Variants in IL9R observed in about 807,000 individuals in gnomAD.
IL9R encodes the protein interleukin 9 receptor.
A neutral mutation model predicts 56.3 loss-of-function variants in IL9R; 54 were observed. The ratio of observed to expected loss-of-function variants is 0.96; its 90% CI spans 0.77 to 1.20. The LOEUF (loss-of-function observed/expected upper bound fraction) is 1.20. Ranked by LOEUF, IL9R falls within the 50% of genes most tolerant of loss-of-function variation. IL9R has a pLI of 0.00. For missense variants in IL9R, 545 were observed against 629.8 expected (o/e 0.87, Z 1.44); for synonymous variants, 212 against 250.2 (o/e 0.85, Z 1.44).
intron 8 of IL9R, among the ~76,000 whole-genome samples, chrX:156,008,617 T>A (rs1214588873): frequency 1.3e-5 from 2 of 152,102 alleles, no homozygotes; most frequent in African/African-American, 2.4e-5. Context: ...CCTAGAGAAC[T>A]AGGACACCTG....
At chrX:156,007,487 C>T (rs1264781799) in intron 7 of IL9R, 36 bp from the exon 8 acceptor site, 17 of 917,268 alleles carry the variant, frequency 1.9e-5, no homozygotes, top group Middle Eastern at 6.7e-4. Context: ...CCACCTGGGT[C>T]GCCATAGGCC....
intron 1 of IL9R, among the ~76,000 whole-genome samples, chrX:156,000,883 A>G (rs150161589): frequency 0.021 from 3,130 of 152,168 alleles, 135 homozygotes; most frequent in East Asian, 0.2. Flanking sequence ...ATGGGCCAAG[A>G]AGAGAGGTGT....
intron 4 of IL9R, 152 bp downstream of exon 4, chrX:156,004,007 C>G: frequency 1.2e-6 from 1 of 842,590 alleles, no homozygotes; most frequent in Non-Finnish European, 1.8e-6. Flanking sequence ...GCAGGCTTGG[C>G]CCTTGGGAGG....
chrX:156,006,281 T>G, intron 7 of IL9R, 93 bp downstream of exon 7: 1 of 688,556 alleles, frequency 1.5e-6, no homozygotes, highest in South Asian at 1.7e-5. Flanking sequence ...TGTGTGCATG[T>G]GTGAGTGTGT....
chrX:156,003,310 G>A (rs2067669124), intron 2 of IL9R, 139 bp from the exon 3 acceptor site: 8 of 714,400 alleles, frequency 1.1e-5, no homozygotes. Context: ...AGGCCTCCCA[G>A]TGCTTCCCTG....
Position 156,006,216 on chromosome X carries a change from A to C in IL9R, c.887+28A>C, listed in dbSNP as rs369438622. On this transcript the variant is annotated intron_variant, in intron 7 of 8. Transcript: ENST00000244174. ...AGGTGGCTGATGTGTGCGTGTGTGT[A>C]CATGTGTGAGCGGGCAAGAGTGTGC... 7,629 of 836,064 alleles carry C rather than the reference A, an allele frequency of 9.1e-3. 40 individuals carry two copies. The highest frequency in any genetic ancestry group is 0.012 in the Non-Finnish European group (5,787 of 491,900). 51.8% of individuals were successfully genotyped at this position (836,064 alleles called of 1,614,324 possible).
chrX:155,998,228 C>G (rs886520772), intron 1 of IL9R, among the ~76,000 whole-genome samples: 1 of 151,918 alleles, frequency 6.6e-6, no homozygotes, highest in African/African-American at 2.4e-5. Flanking sequence ...AACCCCGAGG[C>G]ATTTGGGTGT....
In IL9R at chrX:156,005,496, C is replaced by T. The variant is rs371315943; in HGVS notation, c.781+17C>T. On this transcript the variant is annotated intron_variant, in intron 6 of 8. Coordinates refer to ENST00000244174, the MANE Select transcript of IL9R (RefSeq NM_002186.3). ...AGAGACAAGGTGGGCACTGCTGTGG[C>T]TGCTGCACTTCCAGCGGAGTCTGGG... 2 of 1,606,146 alleles carry T rather than the reference C, an allele frequency of 1.2e-6. No individual in the cohort carries two copies. The highest frequency in any genetic ancestry group is 2.2e-5 in the East Asian group (1 of 44,824).
intron 1 of IL9R, among the ~76,000 whole-genome samples, chrX:156,000,790 C>T (rs1441582207): frequency 1.3e-5 from 2 of 152,194 alleles, no homozygotes; most frequent in African/African-American, 2.4e-5. Context: ...CACTGTGGTG[C>T]CTTCTGCTGG....
intron 4 of IL9R, 71 bp downstream of exon 4, chrX:156,003,926 C>T (rs771118224): frequency 1.3e-6 from 2 of 1,486,332 alleles, no homozygotes; most frequent in Non-Finnish European, 1.9e-6. Context: ...GGGTTTGGAG[C>T]AGGGCCTTGC....
intron 8 of IL9R, among the ~76,000 whole-genome samples, chrX:156,009,260 G>GTTTA (rs2068291240): frequency 1.2e-5 from 1 of 86,756 alleles, no homozygotes. Context: ...GTCTGTGTGT[G>GTTTA]TGTGTTTGTG....
At chrX:156,006,758 G>C (rs975679336) in intron 7 of IL9R, among the ~76,000 whole-genome samples, 1 of 151,904 alleles carries the variant, frequency 6.6e-6, no homozygotes, top group African/African-American at 2.4e-5. Flanking sequence ...GTGGGGCTAA[G>C]TGGGAGGGTG....
chrX:156,004,355 T>A lies in IL9R; in HGVS notation c.434-65T>A. ...GGGAGTCTTTCAGACCCCAGTCTTG[T>A]GTGTTCTGACTGACACACCCAGACC... On this transcript the variant is annotated intron_variant, in intron 4 of 8. Coordinates refer to ENST00000244174, the MANE Select transcript of IL9R (RefSeq NM_002186.3). 1.9e-6 allele frequency: 3 copies of A among 1,560,160 alleles called. 1 individual carries two copies. The South Asian group carries it at 3.3e-5, about 17-fold the overall frequency.
intron 1 of IL9R, among the ~76,000 whole-genome samples, chrX:155,998,169 C>A (rs2067264469): frequency 6.6e-6 from 1 of 151,862 alleles, no homozygotes; most frequent in South Asian, 2.1e-4. Context: ...GTTGTGATGG[C>A]CATGGGGTGG....
At position 156,005,394 on chromosome X, in the gene IL9R, G is replaced by C; in HGVS notation, c.696G>C (p.Glu232Asp). Residue 232 changes from glutamate (E) to aspartate (D), a missense_variant, in exon 6 of 9, where the codon GAG (glutamate) becomes GAC (aspartate). Transcript: ENST00000244174. The stretch of plus-strand genomic sequence containing the variant: ...TGCGTGTCCAGATGGCCACACTGGA[G>C]GATGATGTGGTAGAGGAGGAGCGTT... The part of the protein sequence containing the change: ...ARLRVQMATL[E>D]DDVVEEERYT... 6.2e-7 allele frequency: 1 copy of C among 1,613,144 alleles called. No homozygotes were observed.
intron 1 of IL9R, among the ~76,000 whole-genome samples, chrX:156,001,905 C>T (rs2067559004): frequency 6.6e-6 from 1 of 152,182 alleles, no homozygotes; most frequent in Non-Finnish European, 1.5e-5. Context: ...TGGTGTTGCT[C>T]TTCTTTGCAG....
chrX:155,999,843 T>C, intron 1 of IL9R, among the ~76,000 whole-genome samples: 1 of 152,044 alleles, frequency 6.6e-6, no homozygotes, highest in South Asian at 2.1e-4. Flanking sequence ...AGACAAAATA[T>C]GGCCAGGCAT....
intron 1 of IL9R, among the ~76,000 whole-genome samples, chrX:155,997,993 A>G (rs2067254654): frequency 6.6e-6 from 1 of 152,008 alleles, no homozygotes; most frequent in Admixed American, 6.6e-5. Flanking sequence ...AGGATTACAA[A>G]CTAATTTCCA....
chrX:156,001,026 C>T (rs1206343408), intron 1 of IL9R, among the ~76,000 whole-genome samples: 1 of 152,150 alleles, frequency 6.6e-6, no homozygotes, highest in Non-Finnish European at 1.5e-5. Flanking sequence ...AAGCAGAGAA[C>T]TTCCCCTCAG....
Sources: gnomAD v4.1 joint callset for allele counts (sites outside exome capture counted in the v4.1 genomes callset) on GRCh38, gnomAD v4.1.1 for gene constraint, MANE v1.5 for transcripts, NCBI Gene and HGNC (gene_info 2026-07-23, HGNC 2026-07-21) for gene names.